Variants in ASPH observed in about 807,000 individuals in gnomAD.
ASPH encodes the protein aspartyl/asparaginyl beta-hydroxylase.
In ASPH, 100 loss-of-function variants were observed where a neutral mutation model predicts 118.4. That is an observed-to-expected ratio of 0.84 (90% confidence interval 0.72 to 1.00). The LOEUF is 1.00. ASPH is among the 50% of genes least tolerant of loss of function. The pLI is 0.00. For synonymous variants in ASPH, 315 were observed against 325.6 expected (o/e 0.97, Z 0.35); for missense variants, 920 against 919.5 (o/e 1.00, Z -0.01).
intron 3 of ASPH, 151 bp downstream of exon 3, chr8:61,680,817 C>A: frequency 2.0e-6 from 1 of 499,950 alleles, no homozygotes; most frequent in Admixed American, 4.1e-5. Flanking sequence ...AAAAATAAGC[C>A]ATTTAAAATT....
chr8:61,705,865 C>T (rs1039557485), intron 1 of ASPH, among the ~76,000 whole-genome samples: 2 of 152,152 alleles, frequency 1.3e-5, no homozygotes, highest in African/African-American at 4.8e-5. Flanking sequence ...CTGCAACTTA[C>T]TTCGAAAGGC....
In ASPH at chr8:61,501,205, G is replaced by A. The variant is rs1039187544; in HGVS notation, c.*2154C>T. The A allele has an allele frequency of 6.8e-6, 1 of 146,888 alleles. No homozygotes were observed. The highest frequency in any genetic ancestry group is 6.8e-5 in the Admixed American group (1 of 14,804). The allele number at this position is 146,888 out of a possible 1,614,324, so 9.1% of individuals were successfully genotyped here. On this transcript the variant is annotated 3_prime_UTR_variant, in exon 25 of 25. Coordinates refer to ENST00000379454, the MANE Select transcript of ASPH (RefSeq NM_004318.4). ...TTTCTTATGTACCAAGACATAGATA[G>A]GTAAGAGAAATAAAGAATTGAAGTG...
chr8:61,708,945 G>T (rs1424054801), intron 1 of ASPH, among the ~76,000 whole-genome samples: 2 of 141,428 alleles, frequency 1.4e-5, no homozygotes, highest in Non-Finnish European at 3.0e-5. Context: ...AGTATCTACG[G>T]CAGATGATGA....
rs569374055 is a variant in ASPH at position 61,525,916 on chromosome 8, T to C, written c.1900+61A>G. 32 of 1,604,388 alleles carry C rather than the reference T, an allele frequency of 2.0e-5. No individual in the cohort carries two copies. In the Admixed American group the frequency reaches 4.1e-4, roughly 20 times the overall value. The stretch of plus-strand genomic sequence containing the variant: ...GGGAAGCATCACCAGAAGACTCTTG[T>C]CAGTACCCACTTCCCATCAGGTTTG... On this transcript the variant is annotated intron_variant, in intron 22 of 24. Coordinates refer to ENST00000379454, the MANE Select transcript of ASPH (RefSeq NM_004318.4).
At chr8:61,653,540 C>A in intron 4 of ASPH, 28 bp downstream of exon 4, 2 of 1,607,812 alleles carry the variant, frequency 1.2e-6, no homozygotes, top group Non-Finnish European at 1.7e-6. Flanking sequence ...CACACCTGGG[C>A]GAGACTCGAG....
intron 1 of ASPH, among the ~76,000 whole-genome samples, chr8:61,711,447 T>C (rs140881683): frequency 3.2e-4 from 49 of 152,276 alleles, no homozygotes; most frequent in African/African-American, 1.2e-3. Context: ...GTCTAATTTA[T>C]TCATGTTTCT....
chr8:61,576,340 G>A (rs907628987), intron 16 of ASPH, among the ~76,000 whole-genome samples: 4 of 152,176 alleles, frequency 2.6e-5, no homozygotes, highest in Admixed American at 6.5e-5. Flanking sequence ...TAAGAAATGA[G>A]TCCGTTGGAA....
At chr8:61,648,392 C>T (rs771153029) in intron 5 of ASPH, among the ~76,000 whole-genome samples, 19 of 152,120 alleles carry the variant, frequency 1.2e-4, no homozygotes, top group Admixed American at 1.2e-3. Flanking sequence ...TATGTTGATG[C>T]TATTTGTTTT....
chr8:61,576,246 G>C (rs1835096515), intron 16 of ASPH, among the ~76,000 whole-genome samples: 1 of 152,158 alleles, frequency 6.6e-6, no homozygotes, highest in Non-Finnish European at 1.5e-5. Context: ...AGGTGAAAGG[G>C]GACATGCTTC....
chr8:61,597,612 C>T (rs976243078), intron 14 of ASPH, among the ~76,000 whole-genome samples: 1 of 151,682 alleles, frequency 6.6e-6, no homozygotes, highest in African/African-American at 2.4e-5. Context: ...AAGTGAAAGA[C>T]AAAGAGAAAA....
At chr8:61,693,876 T>G (rs1345337336) in intron 1 of ASPH, among the ~76,000 whole-genome samples, 3 of 152,144 alleles carry the variant, frequency 2.0e-5, no homozygotes, top group Non-Finnish European at 4.4e-5. Context: ...CCTCTATCAG[T>G]TCACTGCGTG....
At chr8:61,578,149 G>T in intron 15 of ASPH, 1 of 1,469,400 alleles carries the variant, frequency 6.8e-7, no homozygotes, top group Non-Finnish European at 9.0e-7. Context: ...ATTGGACCAA[G>T]AAGCAGCTTC....
chr8:61,535,960 C>T (rs1819361906), intron 21 of ASPH, among the ~76,000 whole-genome samples: 1 of 151,960 alleles, frequency 6.6e-6, no homozygotes, highest in South Asian at 2.1e-4. Flanking sequence ...AGTGTAATCT[C>T]TCACTGGTCC....
intron 1 of ASPH, among the ~76,000 whole-genome samples, chr8:61,698,951 T>C (rs1413141915): frequency 6.6e-6 from 1 of 152,366 alleles, no homozygotes; most frequent in Non-Finnish European, 1.5e-5. Context: ...AAGTCTGGTC[T>C]TTGCCCTTGG....
intron 13 of ASPH, chr8:61,624,975 T>C (rs1852225931): frequency 3.0e-6 from 3 of 985,316 alleles, no homozygotes; most frequent in Admixed American, 1.2e-4. Flanking sequence ...CATTGTATAA[T>C]AACTATGATC....
intron 3 of ASPH, among the ~76,000 whole-genome samples, chr8:61,670,872 T>A (rs979196011): frequency 2.0e-5 from 3 of 151,710 alleles, no homozygotes; most frequent in African/African-American, 7.3e-5. Flanking sequence ...CACACTAGAT[T>A]ATCTTAGGAA....
In ASPH at chr8:61,633,666, C is replaced by T. The variant is rs944867409; in HGVS notation, c.934+17G>A. ...AGGATAACAAAAGAGGAAAATACAA[C>T]ATACAAAATGTCATACCTGGTGGTA... On this transcript the variant is annotated intron_variant, in intron 13 of 24. Coordinates refer to ENST00000379454, the MANE Select transcript of ASPH (RefSeq NM_004318.4). 6.3e-7 allele frequency: 1 copy of T among 1,586,126 alleles called. No homozygotes were observed. Among genetic ancestry groups the T allele is most frequent in the East Asian group, 2.3e-5 (1 of 44,188 alleles).
intron 14 of ASPH, among the ~76,000 whole-genome samples, chr8:61,614,292 T>G (rs1314347548): frequency 2.0e-5 from 3 of 152,118 alleles, no homozygotes. Context: ...AAATACAGTT[T>G]TATCTAACAC....
At chr8:61,646,632 A>C (rs1408826919) in intron 6 of ASPH, 118 bp downstream of exon 6, 4 of 1,209,074 alleles carry the variant, frequency 3.3e-6, no homozygotes, top group Non-Finnish European at 4.4e-6. Context: ...TTAAGCTTCA[A>C]CTTTTAAAAA....
Sources: gnomAD v4.1 joint callset for allele counts (sites outside exome capture counted in the v4.1 genomes callset) on GRCh38, gnomAD v4.1.1 for gene constraint, MANE v1.5 for transcripts, NCBI Gene and HGNC (gene_info 2026-07-23, HGNC 2026-07-21) for gene names.